OPCML: variants seen among roughly 807,000 people sequenced by gnomAD.
The protein encoded by OPCML is opioid-binding protein/cell adhesion molecule.
OPCML carries 13 observed loss-of-function variants against 37.8 expected under a neutral mutation model. The ratio of observed to expected loss-of-function variants is 0.34; its 90% CI spans 0.22 to 0.55. OPCML has a LOEUF of 0.55. Ranked by LOEUF, OPCML falls within the 20% of genes least tolerant of loss-of-function variation. The probability of loss-of-function intolerance (pLI) is 0.91; values close to 1 mark genes in which losing one functional copy is unlikely to be tolerated. For missense variants in OPCML, 341 were observed against 435.6 expected (o/e 0.78, Z 1.93); for synonymous variants, 176 against 168.8 (o/e 1.04, Z -0.33).
At chr11:133,075,944 C>G (rs896413130) in intron 1 of OPCML, among the ~76,000 whole-genome samples, 1 of 152,108 alleles carries the variant, frequency 6.6e-6, no homozygotes, top group Non-Finnish European at 1.5e-5. Context: ...AACCTAATAC[C>G]TGTTATTTGG....
chr11:133,002,557 G>A (rs1189112688), intron 1 of OPCML, among the ~76,000 whole-genome samples: 1 of 152,188 alleles, frequency 6.6e-6, no homozygotes, highest in Non-Finnish European at 1.5e-5. Context: ...TGTGCCCACA[G>A]GGGTAGCATG....
chr11:132,805,025 A>G (rs1241491814), intron 2 of OPCML, among the ~76,000 whole-genome samples: 1 of 152,198 alleles, frequency 6.6e-6, no homozygotes, highest in Non-Finnish European at 1.5e-5. Context: ...TGTGTTCACA[A>G]AATTATAGGA....
intron 3 of OPCML, among the ~76,000 whole-genome samples, chr11:132,585,125 T>G (rs1157664030): frequency 6.6e-6 from 1 of 151,402 alleles, no homozygotes; most frequent in African/African-American, 2.5e-5. Context: ...AAATTTAAAT[T>G]AACAATTCTC....
rs556445483 is a variant in OPCML, at chr11:133,052,829, G to A, written c.62-109819C>T. Among the ~76,000 whole-genome samples the A allele has an allele frequency of 4.6e-5, 7 of 152,342 alleles. No homozygotes were observed. The South Asian group carries it at 1.0e-3, about 23-fold the overall frequency. On this transcript the variant is annotated intron_variant, in intron 1 of 7. Transcript: ENST00000524381. The stretch of plus-strand genomic sequence containing the variant: ...CACATGGGGAACCTGCCAAGACTGA[G>A]GGCAACAGAGTGGAAAGCAGAGGCC...
At chr11:133,385,027 T>C (rs1172833748) in intron 1 of OPCML, among the ~76,000 whole-genome samples, 1 of 152,148 alleles carries the variant, frequency 6.6e-6, no homozygotes, top group Non-Finnish European at 1.5e-5. Flanking sequence ...AACCCCTCCT[T>C]GTGGCTGTGG....
At chr11:133,282,028 AAAAAACTT>A (rs1565547014) in intron 1 of OPCML, among the ~76,000 whole-genome samples, 1 of 152,120 alleles carries the variant, frequency 6.6e-6, no homozygotes, top group Non-Finnish European at 1.5e-5. Context: ...CAACAACAAA[AAAAAACTT>A]AAACTAGTAA....
intron 3 of OPCML, among the ~76,000 whole-genome samples, chr11:132,650,077 T>C (rs550765990): frequency 6.6e-6 from 1 of 152,294 alleles, no homozygotes; most frequent in Admixed American, 6.5e-5. Flanking sequence ...TGTGTCCGCT[T>C]GACGTGGGTT....
chr11:132,863,849 A>G (rs1206151179), intron 2 of OPCML, among the ~76,000 whole-genome samples: 1 of 152,170 alleles, frequency 6.6e-6, no homozygotes, highest in African/African-American at 2.4e-5. Flanking sequence ...TCCTATTTCT[A>G]CATGGTTGTG....
At chr11:132,477,708 G>A (rs551236902) in intron 4 of OPCML, among the ~76,000 whole-genome samples, 95 of 152,320 alleles carry the variant, frequency 6.2e-4, no homozygotes, top group Middle Eastern at 6.8e-3. Context: ...AGTGTGTGCT[G>A]TGTTTTTATT....
At chr11:132,675,922 G>T (rs1334877811) in intron 2 of OPCML, among the ~76,000 whole-genome samples, 1 of 152,080 alleles carries the variant, frequency 6.6e-6, no homozygotes, top group African/African-American at 2.4e-5. Flanking sequence ...TGGCTTCTTG[G>T]CAGGAATTGA....
At chr11:133,358,557 A>G (rs552149775) in intron 1 of OPCML, among the ~76,000 whole-genome samples, 1 of 152,334 alleles carries the variant, frequency 6.6e-6, no homozygotes, top group South Asian at 2.1e-4. Context: ...CTGGAAAAAA[A>G]TAGAGAAACT....
At chr11:133,503,886 G>A (rs148870516) in intron 1 of OPCML, among the ~76,000 whole-genome samples, 52 of 152,212 alleles carry the variant, frequency 3.4e-4, no homozygotes, top group African/African-American at 1.2e-3. Context: ...TCTTCCTCCC[G>A]AGGACTAAGC....
At chr11:133,511,265 CT>C (rs1252900764) in intron 1 of OPCML, among the ~76,000 whole-genome samples, 5 of 152,156 alleles carry the variant, frequency 3.3e-5, no homozygotes, top group Admixed American at 1.3e-4. Flanking sequence ...TGCCTCTAAG[CT>C]TTAGCAACCA....
chr11:133,128,664 G>C (rs1468750636), intron 1 of OPCML, among the ~76,000 whole-genome samples: 1 of 152,190 alleles, frequency 6.6e-6, no homozygotes, highest in African/African-American at 2.4e-5. Flanking sequence ...ATGGATGGGA[G>C]CTCTTTGTCT....
chr11:133,407,991 C>T (rs1035111887), intron 1 of OPCML, among the ~76,000 whole-genome samples: 1 of 152,080 alleles, frequency 6.6e-6, no homozygotes, highest in Non-Finnish European at 1.5e-5. Context: ...GTTTGCTTAG[C>T]AATTTGCCGT....
chr11:132,639,114 C>A (rs1310425785), intron 3 of OPCML, among the ~76,000 whole-genome samples: 1 of 152,180 alleles, frequency 6.6e-6, no homozygotes, highest in Non-Finnish European at 1.5e-5. Context: ...GGCAACATGT[C>A]ATTACCTATG....
At chr11:132,903,011 T>C (rs1426461775) in intron 2 of OPCML, among the ~76,000 whole-genome samples, 2 of 152,160 alleles carry the variant, frequency 1.3e-5, no homozygotes, top group African/African-American at 4.8e-5. Flanking sequence ...CAATTGTTTC[T>C]TGGGCTCATT....
chr11:133,182,489 A>G (rs1937880597), intron 1 of OPCML, among the ~76,000 whole-genome samples: 1 of 152,180 alleles, frequency 6.6e-6, no homozygotes, highest in South Asian at 2.1e-4. Flanking sequence ...ATGACAGGAA[A>G]AAAAGGAAGA....
intron 2 of OPCML, among the ~76,000 whole-genome samples, chr11:132,754,376 T>C (rs1282689743): frequency 6.6e-6 from 1 of 152,138 alleles, no homozygotes; most frequent in Admixed American, 6.6e-5. Flanking sequence ...TGACGGTTTT[T>C]AAAAGAGGAG....
Sources: gnomAD v4.1 joint callset for allele counts (sites outside exome capture counted in the v4.1 genomes callset) on GRCh38, gnomAD v4.1.1 for gene constraint, MANE v1.5 for transcripts, NCBI Gene and HGNC (gene_info 2026-07-23, HGNC 2026-07-21) for gene names.